NEO1: variants seen among roughly 807,000 people sequenced by gnomAD.
The protein encoded by NEO1 is neogenin 1, also known as neogenin.
A neutral mutation model predicts 159.7 loss-of-function variants in NEO1; 63 were observed. That is an observed-to-expected ratio of 0.39 (90% CI 0.32 to 0.49). The LOEUF (loss-of-function observed/expected upper bound fraction) is 0.49, where lower values mean the gene tolerates loss of function less well. Among genes scored for constraint, NEO1 ranks in the 20% least tolerant of loss-of-function variants. The probability of loss-of-function intolerance (pLI) is 0.85; values close to 1 mark genes in which losing one functional copy is unlikely to be tolerated. For synonymous variants in NEO1, 633 were observed against 662.0 expected, an observed-to-expected ratio of 0.96 and a Z score of 0.67; for missense variants, 1,615 against 1,831.0, an observed-to-expected ratio of 0.88 and a Z score of 2.15.
chr15:73,107,909 C>A (rs2070771045), intron 1 of NEO1, among the ~76,000 whole-genome samples: 1 of 152,178 alleles, frequency 6.6e-6, no homozygotes, highest in Admixed American at 6.5e-5. Context: ...AGGCTGAGTG[C>A]AGTGGCTCAT....
At chr15:73,095,037 C>T (rs375570716) in intron 1 of NEO1, among the ~76,000 whole-genome samples, 7 of 152,062 alleles carry the variant, frequency 4.6e-5, no homozygotes, top group Admixed American at 1.3e-4. Flanking sequence ...GGTGAAACCC[C>T]GTCTCTACTG....
At chr15:73,146,611 C>T (rs1451471470) in intron 5 of NEO1, among the ~76,000 whole-genome samples, 4 of 152,044 alleles carry the variant, frequency 2.6e-5, no homozygotes, top group Non-Finnish European at 5.9e-5. Flanking sequence ...AAATAATTTC[C>T]TAATAGTTAT....
intron 5 of NEO1, among the ~76,000 whole-genome samples, chr15:73,152,389 A>T (rs979325962): frequency 9.2e-5 from 14 of 152,206 alleles, no homozygotes; most frequent in Non-Finnish European, 1.8e-4. Flanking sequence ...ACTCGGGAGG[A>T]GTGGGTTCAG....
At chr15:73,281,602 T>C (rs1008409831) in intron 22 of NEO1, among the ~76,000 whole-genome samples, 4 of 152,250 alleles carry the variant, frequency 2.6e-5, no homozygotes, top group African/African-American at 9.6e-5. Context: ...ACTTTGATGG[T>C]AGGAACTTCT....
chr15:73,077,373 A>G (rs1001262606), intron 1 of NEO1, among the ~76,000 whole-genome samples: 6 of 152,184 alleles, frequency 3.9e-5, no homozygotes, highest in Non-Finnish European at 8.8e-5. Context: ...TTGACTGCAT[A>G]TTTTTAAACA....
intron 2 of NEO1, among the ~76,000 whole-genome samples, chr15:73,122,061 G>GTGTA (rs1181461077): frequency 4.7e-5 from 3 of 63,728 alleles, no homozygotes; most frequent in Admixed American, 3.9e-4. Flanking sequence ...GTGTGTGTGT[G>GTGTA]TGTATATATA....
At chr15:73,222,243 T>G (rs540615852) in intron 7 of NEO1, among the ~76,000 whole-genome samples, 147 of 151,626 alleles carry the variant, frequency 9.7e-4, no homozygotes, top group African/African-American at 3.4e-3. Context: ...TAGCTGGGAC[T>G]ACAGGCACCC....
chr15:73,251,569 A>G (rs1409486431), intron 11 of NEO1, among the ~76,000 whole-genome samples: 6 of 151,810 alleles, frequency 4.0e-5, no homozygotes. Context: ...ACAGGCGGTT[A>G]TACCTTAGCT....
At chr15:73,210,026 A>G (rs990653464) in intron 7 of NEO1, among the ~76,000 whole-genome samples, 2 of 152,114 alleles carry the variant, frequency 1.3e-5, no homozygotes, top group African/African-American at 4.8e-5. Flanking sequence ...AAAGTAGCCT[A>G]TGTCTGGCCT....
intron 26 of NEO1, 40 bp downstream of exon 26, chr15:73,293,588 A>C: frequency 2.5e-6 from 4 of 1,580,442 alleles, no homozygotes; most frequent in Non-Finnish European, 3.5e-6. Flanking sequence ...AACCATTCCA[A>C]AAGAGTCGGC....
chr15:73,297,605 C>G (rs1308576574), intron 26 of NEO1, among the ~76,000 whole-genome samples: 1 of 152,186 alleles, frequency 6.6e-6, no homozygotes, highest in Non-Finnish European at 1.5e-5. Flanking sequence ...ACTCCAGAGT[C>G]CGTGCTTTTC....
At chr15:73,260,521 C>A (rs372775992) in intron 15 of NEO1, 56 bp downstream of exon 15, 7 of 1,376,322 alleles carry the variant, frequency 5.1e-6, no homozygotes, top group South Asian at 3.8e-5. Flanking sequence ...TCTTTTTAAC[C>A]TTTTATGTAA....
chr15:73,247,223 G>A (rs2039841136), intron 9 of NEO1, among the ~76,000 whole-genome samples: 1 of 152,190 alleles, frequency 6.6e-6, no homozygotes, highest in African/African-American at 2.4e-5. Context: ...TTCAGCTTGT[G>A]TGGGGGAGGC....
chr15:73,227,776 T>C (rs2038675244), intron 7 of NEO1, among the ~76,000 whole-genome samples: 1 of 152,216 alleles, frequency 6.6e-6, no homozygotes, highest in African/African-American at 2.4e-5. Flanking sequence ...AGTAGCAGTA[T>C]GAACAAAGGT....
chr15:73,058,229 TC>T (rs1333052072), intron 1 of NEO1, among the ~76,000 whole-genome samples: 1 of 152,180 alleles, frequency 6.6e-6, no homozygotes, highest in Non-Finnish European at 1.5e-5. Flanking sequence ...CTCCCTGACT[TC>T]CAGGCATTGT....
intron 9 of NEO1, among the ~76,000 whole-genome samples, chr15:73,248,418 T>C (rs1207647193): frequency 6.6e-6 from 1 of 152,174 alleles, no homozygotes; most frequent in Admixed American, 6.5e-5. Flanking sequence ...CTCTCCCATA[T>C]CCACTCTGTT....
intron 1 of NEO1, among the ~76,000 whole-genome samples, chr15:73,110,184 C>T (rs867053052): frequency 5.9e-5 from 9 of 151,776 alleles, no homozygotes; most frequent in Non-Finnish European, 1.2e-4. Context: ...TGGAGACTGA[C>T]GAGAAGGGAT....
At chr15:73,201,172 T>C (rs1390644990) in intron 7 of NEO1, among the ~76,000 whole-genome samples, 3 of 151,784 alleles carry the variant, frequency 2.0e-5, no homozygotes, top group South Asian at 2.1e-4. Flanking sequence ...TTCAATTTCA[T>C]TTATTTCTGC....
intron 14 of NEO1, 91 bp downstream of exon 14, chr15:73,258,967 A>G: frequency 9.4e-7 from 1 of 1,062,178 alleles, no homozygotes; most frequent in Non-Finnish European, 1.4e-6. Context: ...TGGGGTGGAT[A>G]TGGCTCAAGT....
Sources: gnomAD v4.1 joint callset for allele counts (sites outside exome capture counted in the v4.1 genomes callset) on GRCh38, gnomAD v4.1.1 for gene constraint, MANE v1.5 for transcripts, NCBI Gene and HGNC (gene_info 2026-07-23, HGNC 2026-07-21) for gene names.